Variants in ANKS1B observed in about 807,000 individuals in gnomAD.
ANKS1B encodes ankyrin repeat and sterile alpha motif domain-containing protein 1B.
ANKS1B carries 36 observed loss-of-function variants against 148.3 expected under a neutral mutation model. The ratio of observed to expected loss-of-function variants is 0.24; its 90% confidence interval spans 0.19 to 0.32. The LOEUF is 0.32. Among genes scored for constraint, ANKS1B ranks in the 10% least tolerant of loss-of-function variants. The probability of loss-of-function intolerance (pLI) is 1.00; values close to 1 mark genes in which losing one functional copy is unlikely to be tolerated. For missense variants in ANKS1B, 1,157 were observed against 1,542.6 expected (o/e 0.75, Z 4.19); for synonymous variants, 542 against 560.8 (o/e 0.97, Z 0.47).
chr12:98,853,613 G>A (rs1015601568), intron 17 of ANKS1B, among the ~76,000 whole-genome samples: 2 of 152,188 alleles, frequency 1.3e-5, no homozygotes, highest in South Asian at 2.1e-4. Flanking sequence ...TAGGTGCCAC[G>A]CTGGGAGAGG....
chr12:98,735,145 G>A, exon 10 of ANKS1B: 1 of 398,782 alleles, frequency 2.5e-6, no homozygotes, highest in Non-Finnish European at 4.4e-6. Flanking sequence ...GTATGATGGA[G>A]CTGCAAATTT....
chr12:99,956,628 G>C (rs1488058882), intron 1 of ANKS1B, among the ~76,000 whole-genome samples: 2 of 152,146 alleles, frequency 1.3e-5, no homozygotes, highest in African/African-American at 4.8e-5. Flanking sequence ...GACCAGGACT[G>C]ATACTAGGCC....
At chr12:99,691,166 A>C (rs566512812) in intron 8 of ANKS1B, among the ~76,000 whole-genome samples, 2 of 152,322 alleles carry the variant, frequency 1.3e-5, no homozygotes, top group East Asian at 3.9e-4. Context: ...ACCATGTTCC[A>C]AGGCTGCACA....
At chr12:99,287,938 A>G (rs1486522147) in intron 12 of ANKS1B, among the ~76,000 whole-genome samples, 1 of 152,186 alleles carries the variant, frequency 6.6e-6, no homozygotes, top group Admixed American at 6.5e-5. Context: ...AAAATAGCAA[A>G]TCTAAAAGTT....
intron 17 of ANKS1B, among the ~76,000 whole-genome samples, chr12:99,030,126 T>C (rs2099951082): frequency 6.6e-6 from 1 of 152,178 alleles, no homozygotes; most frequent in Non-Finnish European, 1.5e-5. Flanking sequence ...ATTTTCAAGG[T>C]TGAGTGACTG....
At chr12:99,369,944 TA>T (rs139570157) in intron 12 of ANKS1B, among the ~76,000 whole-genome samples, 5,714 of 152,218 alleles carry the variant, frequency 0.038, 138 homozygotes, top group Non-Finnish European at 0.062. Flanking sequence ...GTGATGGGCA[TA>T]CGTTAATTAC....
At chr12:99,680,797 G>C (rs1599553780) in intron 8 of ANKS1B, among the ~76,000 whole-genome samples, 1 of 152,124 alleles carries the variant, frequency 6.6e-6, no homozygotes, top group African/African-American at 2.4e-5. Flanking sequence ...TAAACTCAGT[G>C]CTATTGGAGG....
intron 17 of ANKS1B, among the ~76,000 whole-genome samples, chr12:98,880,276 T>C (rs751803850): frequency 1.3e-5 from 2 of 152,154 alleles, no homozygotes; most frequent in Non-Finnish European, 2.9e-5. Context: ...CAAATATTCA[T>C]TAAAATAATT....
chr12:99,914,973 C>T (rs2094125403), intron 1 of ANKS1B, among the ~76,000 whole-genome samples: 1 of 151,988 alleles, frequency 6.6e-6, no homozygotes, highest in Non-Finnish European at 1.5e-5. Flanking sequence ...CACCTGTAAT[C>T]CCAGCACTTT....
chr12:99,004,405 C>T (rs181947220), intron 17 of ANKS1B, among the ~76,000 whole-genome samples: 4 of 152,118 alleles, frequency 2.6e-5, no homozygotes, highest in East Asian at 1.9e-4. Context: ...AGATAATATA[C>T]GTAAAGAGCA....
intron 15 of ANKS1B, among the ~76,000 whole-genome samples, chr12:99,131,603 T>C (rs1204107534): frequency 6.6e-6 from 1 of 152,218 alleles, no homozygotes; most frequent in Non-Finnish European, 1.5e-5. Context: ...AACTTTTCAA[T>C]AGATACAGGC....
chr12:99,022,713 G>GTC (rs150672778), intron 17 of ANKS1B, among the ~76,000 whole-genome samples: 2,173 of 151,944 alleles, frequency 0.014, 48 homozygotes, highest in African/African-American at 0.05. Context: ...AGAGTCAGGG[G>GTC]TCTCTCTCTG....
intron 17 of ANKS1B, among the ~76,000 whole-genome samples, chr12:98,885,504 G>T (rs1239179627): frequency 1.3e-5 from 2 of 152,214 alleles, no homozygotes; most frequent in African/African-American, 4.8e-5. Flanking sequence ...AATGAAAGAA[G>T]AAGATCAAAG....
intron 25 of ANKS1B, among the ~76,000 whole-genome samples, chr12:98,770,549 A>T (rs1404421394): frequency 3.3e-5 from 5 of 152,198 alleles, no homozygotes; most frequent in African/African-American, 1.2e-4. Context: ...TTTGCTTTGC[A>T]GTCTTTACTG....
At chr12:98,779,282 C>T (rs2098710735) in intron 24 of ANKS1B, among the ~76,000 whole-genome samples, 1 of 152,174 alleles carries the variant, frequency 6.6e-6, no homozygotes, top group African/African-American at 2.4e-5. Flanking sequence ...GCATCAACTT[C>T]TGTGTCTCTT....
chr12:99,237,900 T>C (rs2088330157), intron 14 of ANKS1B, among the ~76,000 whole-genome samples: 1 of 152,192 alleles, frequency 6.6e-6, no homozygotes, highest in Non-Finnish European at 1.5e-5. Context: ...TACAGGCACA[T>C]GCCTAGCACA....
At chr12:99,282,023 A>G (rs1202752748) in intron 12 of ANKS1B, among the ~76,000 whole-genome samples, 1 of 152,312 alleles carries the variant, frequency 6.6e-6, no homozygotes, top group Non-Finnish European at 1.5e-5. Context: ...AGATCAAAAG[A>G]AAACAAGTCA....
chr12:99,156,990 A>G (rs2153826504), intron 14 of ANKS1B, among the ~76,000 whole-genome samples: 1 of 152,306 alleles, frequency 6.6e-6, no homozygotes, highest in East Asian at 1.9e-4. Flanking sequence ...CTTGTTTTTT[A>G]AACAGATTTT....
intron 8 of ANKS1B, among the ~76,000 whole-genome samples, chr12:99,689,593 A>G (rs932939709): frequency 4.6e-5 from 7 of 152,192 alleles, no homozygotes; most frequent in African/African-American, 1.7e-4. Flanking sequence ...CAAAAGGGAG[A>G]GTATCCTGGC....
Sources: gnomAD v4.1 joint callset for allele counts (sites outside exome capture counted in the v4.1 genomes callset) on GRCh38, gnomAD v4.1.1 for gene constraint, MANE v1.5 for transcripts, NCBI Gene and HGNC (gene_info 2026-07-23, HGNC 2026-07-21) for gene names.